IDH2: variants seen among roughly 807,000 people sequenced by gnomAD.
IDH2 encodes isocitrate dehydrogenase [NADP], mitochondrial.
Under a neutral mutation model 50.5 loss-of-function variants are expected in IDH2, and 18 were observed. That is an observed-to-expected ratio of 0.36 (90% CI 0.25 to 0.53). IDH2 has a LOEUF of 0.53. Ranked by LOEUF, IDH2 falls within the 20% of genes least tolerant of loss-of-function variation. The pLI, the probability that IDH2 is intolerant of heterozygous loss-of-function variation, is 0.92. For missense variants in IDH2, 518 were observed against 610.7 expected (o/e 0.85, Z 1.60); for synonymous variants, 280 against 239.8 (o/e 1.17, Z -1.55).
At chr15:90,088,864 GT>G (rs374462185) in intron 3 of IDH2, 117 bp from the exon 4 acceptor site, 27 of 916,656 alleles carry the variant, frequency 2.9e-5, no homozygotes, top group East Asian at 2.3e-4. Context: ...GAGGAAGGCA[GT>G]AGAGTCTAGA....
intron 3 of IDH2, among the ~76,000 whole-genome samples, chr15:90,089,116 G>T (rs1900961779): frequency 6.6e-6 from 1 of 151,840 alleles, no homozygotes; most frequent in Non-Finnish European, 1.5e-5. Flanking sequence ...GTTTCTCCAT[G>T]TTGGTCAGGC....
In IDH2 at chr15:90,102,276, A is replaced by G; in HGVS notation, c.115T>C (p.Tyr39His). ...CCTGGACCCTCCGCGCGGCACTCAC[A>G]GTGGCGCCGCGGCTGCTCTTGCGAG... ...PTSQEQPRRH[Y>H]ADKRIKVAKP... is the part of the protein sequence containing the mutation. Residue 39 changes from tyrosine to histidine, a missense_variant and splice_region_variant, in exon 1 of 11, where the codon TAT (tyrosine) becomes CAT (histidine). Around this residue, in one of 5 missense-constraint regions of IDH2, gnomAD observed 85 missense variants for 66.9 expected, o/e 1.27. Transcript: ENST00000330062. 3 of 1,268,762 alleles carry G rather than the reference A, an allele frequency of 2.4e-6. No homozygotes were observed. Among genetic ancestry groups the G allele is most frequent in the Non-Finnish European group, 3.0e-6 (3 of 993,820 alleles). 78.6% of individuals were successfully genotyped at this position (1,268,762 alleles called of 1,614,324 possible).
rs990532894 is a variant in IDH2, at chr15:90,102,464, G to A, written c.-74C>T. The stretch of plus-strand genomic sequence containing the variant: ...CCGCTCCTCCCGGCTGCCTGGCCGC[G>A]GGCTAACGCTGGGCCTGGCGGGCGC... On this transcript the variant is annotated 5_prime_UTR_variant, in exon 1 of 11. Coordinates refer to ENST00000330062, the MANE Select transcript of IDH2 (RefSeq NM_002168.4). 1.2e-6 allele frequency: 1 copy of A among 858,800 alleles called. No individual in the cohort carries two copies. Among genetic ancestry groups the A allele is most frequent in the Non-Finnish European group, 1.5e-6 (1 of 659,358 alleles). The allele number at this position is 858,800 out of a possible 1,614,324, so 53.2% of individuals were successfully genotyped here.
chr15:90,093,609 A>ATTATTT (rs368978089), intron 1 of IDH2, among the ~76,000 whole-genome samples: 36 of 150,442 alleles, frequency 2.4e-4, no homozygotes, highest in Middle Eastern at 6.8e-3. Flanking sequence ...TTAATTAATT[A>ATTATTT]ATTTATTTAT....
chr15:90,096,441 A>C (rs564993357), intron 1 of IDH2, among the ~76,000 whole-genome samples: 2 of 152,196 alleles, frequency 1.3e-5, no homozygotes, highest in Admixed American at 6.5e-5. Flanking sequence ...CCATAATGAG[A>C]TATCACCCCA....
chr15:90,099,262 C>A (rs1003663214), intron 1 of IDH2, among the ~76,000 whole-genome samples: 1 of 152,154 alleles, frequency 6.6e-6, no homozygotes, highest in Non-Finnish European at 1.5e-5. Flanking sequence ...TGTCACTCCA[C>A]CTGGTGCCTG....
chr15:90,091,658 C>T lies in IDH2; in HGVS notation c.116-14G>A. 1 of 1,609,696 alleles carries T rather than the reference C, an allele frequency of 6.2e-7. No homozygotes were observed. Among genetic ancestry groups the T allele is most frequent in the Non-Finnish European group, 8.5e-7 (1 of 1,175,906 alleles). ...TTTTGTCGGCATCTAGAAGCAGGGACACACAGCGCATCATGCCCCTGGGGA... is the reference window on the plus strand; with the variant it reads ...TTTTGTCGGCATCTAGAAGCAGGGATACACAGCGCATCATGCCCCTGGGGA... On this transcript the variant is annotated splice_polypyrimidine_tract_variant and intron_variant, in intron 1 of 10. Transcript: ENST00000330062.
chr15:90,099,412 C>G (rs1901271958), intron 1 of IDH2, among the ~76,000 whole-genome samples: 1 of 152,152 alleles, frequency 6.6e-6, no homozygotes, highest in Non-Finnish European at 1.5e-5. Context: ...TCTGGCTGCC[C>G]TATACAAACT....
chr15:90,092,333 CCTTACTTA>C (rs906902290), intron 1 of IDH2, among the ~76,000 whole-genome samples: 1 of 128,306 alleles, frequency 7.8e-6, no homozygotes, highest in African/African-American at 2.6e-5. Context: ...ATCCATCCAT[CCTTACTTA>C]CTTCCTTTCC....
chr15:90,094,049 C>T (rs1901118750), intron 1 of IDH2, among the ~76,000 whole-genome samples: 1 of 152,186 alleles, frequency 6.6e-6, no homozygotes, highest in South Asian at 2.1e-4. Flanking sequence ...GACAGGCTTA[C>T]AGCACCTGCG....
intron 1 of IDH2, among the ~76,000 whole-genome samples, chr15:90,093,994 G>C (rs1192569654): frequency 1.3e-5 from 2 of 152,156 alleles, no homozygotes; most frequent in African/African-American, 4.8e-5. Flanking sequence ...TACAGAGCTT[G>C]AAAACAGCAG....
rs1555462244 is a variant in IDH2 at position 90,098,531 on chromosome 15, C to CATGTATGCATGT, written c.115+3744_115+3745insACATGCATACAT. On this transcript the variant is annotated intron_variant, in intron 1 of 10. Coordinates refer to ENST00000330062, the MANE Select transcript of IDH2 (RefSeq NM_002168.4). This position sits in a 1 kb window ranked among gnomAD's most constrained non-coding sequence, Gnocchi z 5.1. ...GTATGTATGTATGTATGTATGCATG[C>CATGTATGCATGT]ATGTATGTATGTATGTATGTATGTA... Among the ~76,000 whole-genome samples, 2 of 138,354 alleles carry CATGTATGCATGT rather than the reference C, an allele frequency of 1.4e-5. No individual in the cohort carries two copies. The highest frequency in any genetic ancestry group is 3.2e-5 in the Non-Finnish European group (2 of 62,880). 90.8% of individuals were successfully genotyped at this position (138,354 alleles called of 152,430 possible).
intron 1 of IDH2, 27 bp downstream of exon 1, chr15:90,102,248 CT>C (rs994518807): frequency 9.7e-7 from 1 of 1,034,436 alleles, no homozygotes; most frequent in African/African-American, 1.7e-5. Context: ...GGGCGCGCGC[CT>C]GCCTGGACCC....
chr15:90,085,198 C>G lies in IDH2; in HGVS notation c.1080+77G>C. 3 of 1,529,658 alleles carry G rather than the reference C, an allele frequency of 2.0e-6. No homozygotes were observed. The highest frequency in any genetic ancestry group is 2.7e-6 in the Non-Finnish European group (3 of 1,111,658). 94.8% of individuals were successfully genotyped at this position (1,529,658 alleles called of 1,614,324 possible). On this transcript the variant is annotated intron_variant, in intron 8 of 10. Coordinates refer to ENST00000330062, the MANE Select transcript of IDH2 (RefSeq NM_002168.4). This position sits in a 1 kb window ranked among gnomAD's most constrained non-coding sequence, Gnocchi z 5.5. ...CCCTGGGCTGGTGGGTCAGGCTCGT[C>G]CTTCCAGCCCTCAGCCCAGTGGGCT...
chr15:90,087,744 C>G (rs1900902921), intron 5 of IDH2, among the ~76,000 whole-genome samples, 169 bp from the exon 6 acceptor site: 1 of 152,004 alleles, frequency 6.6e-6, no homozygotes, highest in African/African-American at 2.4e-5. Context: ...GCTGGCCCAG[C>G]CTCTCCCTCT....
chr15:90,084,276 C>T lies in IDH2; in HGVS notation c.1349G>A (p.Gly450Asp). The change falls in exon 11 of 11, where the codon GGC becomes GAC. Residue 450 changes from glycine to aspartate, a missense_variant. Transcript: ENST00000330062. This position sits in a 1 kb window ranked among gnomAD's most constrained non-coding sequence, Gnocchi z 5.0. The part of the protein sequence containing the change: ...TIKSNLDRAL[G>D]RQ ...GGGTGGCGCCTCCCCCTACTGCCTG[C>T]CCAGGGCTCTGTCCAGGTTGCTCTT... 6.2e-7 allele frequency: 1 copy of T among 1,613,890 alleles called. No homozygotes were observed. Among genetic ancestry groups the T allele is most frequent in the Non-Finnish European group, 8.5e-7 (1 of 1,179,928 alleles).
In IDH2 at chr15:90,087,594, G is replaced by A. The variant is rs781533725; in HGVS notation, c.679-19C>T. 1.2e-5 allele frequency: 19 copies of A among 1,612,354 alleles called. No individual in the cohort carries two copies. In the East Asian group the frequency reaches 4.0e-4, roughly 34 times the overall value. On this transcript the variant is annotated intron_variant, in intron 5 of 10. Coordinates refer to ENST00000330062, the MANE Select transcript of IDH2 (RefSeq NM_002168.4). Reference sequence around the variant, plus strand: ...AGATGGACTGCAGGGGGAGAGACAGGGCCCTGGCGTGGTGCCCTAGCCTGG... The same window carrying A: ...AGATGGACTGCAGGGGGAGAGACAGAGCCCTGGCGTGGTGCCCTAGCCTGG...
intron 1 of IDH2, 88 bp downstream of exon 1, chr15:90,102,188 C>T: frequency 2.0e-6 from 1 of 497,460 alleles, no homozygotes; most frequent in Non-Finnish European, 3.0e-6. Context: ...TGCGGGCTGG[C>T]GGGACGTGCT....
chr15:90,091,635 T>C lies in IDH2; in HGVS notation c.125A>G (p.Lys42Arg), dbSNP rs1901039396. ...QEQPRRHYAD[K>R]RIKVAKPVVE... ...CACGGGCTTCGCCACCTTGATCCTTTTGTCGGCATCTAGAAGCAGGGACAC... is the reference window on the plus strand; with the variant it reads ...CACGGGCTTCGCCACCTTGATCCTTCTGTCGGCATCTAGAAGCAGGGACAC... Residue 42 changes from lysine to arginine, a missense_variant, in exon 2 of 11, where the codon AAA becomes AGA. Lys to Arg is a conservative substitution (Grantham distance 26). Around this residue, in one of 5 missense-constraint regions of IDH2, gnomAD observed 85 missense variants for 66.9 expected, o/e 1.27. Coordinates refer to ENST00000330062, the MANE Select transcript of IDH2 (RefSeq NM_002168.4). 2 of 1,613,974 alleles carry C rather than the reference T, an allele frequency of 1.2e-6. No homozygotes were observed.
Sources: gnomAD v4.1 joint callset for allele counts (sites outside exome capture counted in the v4.1 genomes callset) on GRCh38, gnomAD v4.1.1 for gene constraint, gnomAD v4.1.1 regional missense constraint, Gnocchi (gnomAD v3.1) non-coding constraint, MANE v1.5 for transcripts, NCBI Gene and HGNC (gene_info 2026-07-23, HGNC 2026-07-21) for gene names.